Variants in UNC45B observed in about 807,000 individuals in gnomAD.
UNC45B encodes the protein unc-45 myosin chaperone B.
Under a neutral mutation model 98.7 loss-of-function variants are expected in UNC45B, and 78 were observed. The ratio of observed to expected loss-of-function variants is 0.79; its 90% confidence interval spans 0.66 to 0.95. The LOEUF (loss-of-function observed/expected upper bound fraction) is 0.95, where lower values mean the gene tolerates loss of function less well. UNC45B is among the 40% of genes least tolerant of loss of function. UNC45B has a pLI of 0.00. For missense variants in UNC45B, 1,225 were observed against 1,184.9 expected, an observed-to-expected ratio of 1.03 and a Z score of -0.50; for synonymous variants, 462 against 480.4, an observed-to-expected ratio of 0.96 and a Z score of 0.50.
rs2092045607 is a variant in UNC45B at position 35,154,687 on chromosome 17, G to T, written c.585G>T (p.Leu195=). 6.2e-7 allele frequency: 1 copy of T among 1,611,952 alleles called. No homozygotes were observed. Among genetic ancestry groups the T allele is most frequent in the Non-Finnish European group, 8.5e-7 (1 of 1,179,596 alleles). ...LQLLDTKKPE[L]VLAAVRTLSG... ...TTCTGGACACTAAGAAGCCTGAGCT[G>T]GTGCTGGCTGCAGTGCGGACCCTGT... The change falls in exon 6 of 20, where the codon CTG becomes CTT. Residue 195 remains leucine, a synonymous_variant. Coordinates refer to ENST00000394570, the MANE Select transcript of UNC45B (RefSeq NM_001267052.2).
rs752587517 is a variant in UNC45B, at chr17:35,150,168, G to A, written c.326G>A (p.Arg109Gln). The A allele has an allele frequency of 3.3e-5, 53 of 1,613,586 alleles. No individual in the cohort carries two copies. The highest frequency in any genetic ancestry group is 1.8e-4 in the Admixed American group (11 of 59,966). ...DVQRCATLEP[R>Q]NQNFQEMLRR... Reference sequence around the variant, plus strand: ...CAGCGTTGTGCCACCCTCGAGCCACGGAACCAGAACTTCCAGGAGATGCTG... The same window carrying A: ...CAGCGTTGTGCCACCCTCGAGCCACAGAACCAGAACTTCCAGGAGATGCTG... The change falls in exon 4 of 20, where the codon CGG (arginine) becomes CAG (glutamine). Residue 109 changes from arginine to glutamine, a missense_variant. By Grantham distance (43) the Arg-to-Gln change is conservative. Coordinates refer to ENST00000394570, the MANE Select transcript of UNC45B (RefSeq NM_001267052.2).
chr17:35,168,290 A>C lies in UNC45B; in HGVS notation c.1381A>C (p.Asn461His). 1.3e-6 allele frequency: 2 copies of C among 1,498,578 alleles called. No homozygotes were observed. Among genetic ancestry groups the C allele is most frequent in the Non-Finnish European group, 1.8e-6 (2 of 1,119,356 alleles). The allele number at this position is 1,498,578 out of a possible 1,614,324, so 92.8% of individuals were successfully genotyped here. ...KLSRATFIIT[N>H]GVSLLKQIYK... Reference sequence around the variant, plus strand: ...CAGCCGCGCCACCTTCATCATCACCAATGGAGTGTCACTGCTCAAACAGAT... The same window carrying C: ...CAGCCGCGCCACCTTCATCATCACCCATGGAGTGTCACTGCTCAAACAGAT... The change falls in exon 10 of 20, where the codon AAT becomes CAT. Residue 461 changes from asparagine (N) to histidine (H), a missense_variant. Physicochemically the swap from Asn to His is moderately conservative, Grantham distance 68. Coordinates refer to ENST00000394570, the MANE Select transcript of UNC45B (RefSeq NM_001267052.2).
intron 13 of UNC45B, among the ~76,000 whole-genome samples, chr17:35,173,548 C>T (rs1597926209): frequency 6.6e-6 from 1 of 152,134 alleles, no homozygotes; most frequent in South Asian, 2.1e-4. Flanking sequence ...CATTTTGTTG[C>T]CTTTTTCAGC....
At position 35,164,018 on chromosome 17, in the gene UNC45B, G is replaced by A; in HGVS notation, c.1003G>A (p.Val335Met). ...DNGLRKILKV[V>M]GQVPDLPSCL... is the part of the protein sequence containing the mutation. Reference sequence around the variant, plus strand: ...AGGTCTGAGGAAGATCCTGAAGGTTGTGGGGCAGGTTCCAGATCTGCCATC... The same window carrying A: ...AGGTCTGAGGAAGATCCTGAAGGTTATGGGGCAGGTTCCAGATCTGCCATC... The change falls in exon 9 of 20, where the codon GTG becomes ATG. Residue 335 changes from valine to methionine, a missense_variant. Transcript: ENST00000394570. The A allele has an allele frequency of 6.2e-7, 1 of 1,613,720 alleles. No individual in the cohort carries two copies. The highest frequency in any genetic ancestry group is 1.7e-4 in the Middle Eastern group (1 of 6,054).
chr17:35,155,120 A>G (rs2142536977), intron 6 of UNC45B, among the ~76,000 whole-genome samples, 176 bp from the exon 7 acceptor site: 1 of 152,370 alleles, frequency 6.6e-6, no homozygotes, highest in East Asian at 1.9e-4. Context: ...AGAGATGGGC[A>G]TGGCTTGTTG....
At chr17:35,151,254 G>A in intron 4 of UNC45B, 1 of 231,748 alleles carries the variant, frequency 4.3e-6, no homozygotes, top group Non-Finnish European at 8.7e-6. Flanking sequence ...ATCTGAGGTC[G>A]CGGGCCTCGA....
intron 1 of UNC45B, 137 bp downstream of exon 1, chr17:35,148,047 A>G: frequency 3.5e-6 from 2 of 569,270 alleles, no homozygotes; most frequent in Non-Finnish European, 3.1e-6. Flanking sequence ...AGAGTGAGGC[A>G]CAGGGACTCT....
At chr17:35,154,841 A>T in intron 6 of UNC45B, 100 bp downstream of exon 6, 1 of 1,317,710 alleles carries the variant, frequency 7.6e-7, no homozygotes, top group East Asian at 2.7e-5. Flanking sequence ...CAATGGAACC[A>T]GATAAAAAGT....
Position 35,158,397 on chromosome 17 carries a change from T to C in UNC45B, c.809-978T>C, listed in dbSNP as rs951928245. Among the ~76,000 whole-genome samples the C allele has an allele frequency of 3.9e-5, 6 of 152,168 alleles. No homozygotes were observed. The East Asian group carries it at 1.2e-3, about 29-fold the overall frequency. On this transcript the variant is annotated intron_variant, in intron 7 of 19. Coordinates refer to ENST00000394570, the MANE Select transcript of UNC45B (RefSeq NM_001267052.2). ...TAGAACATGGTGGCTGGATTCTAAA[T>C]GGACAAGCCCCAATGTGCAAGTGCC... is the stretch of plus-strand genomic sequence containing the variant.
rs1207259400 is a variant in UNC45B, at chr17:35,183,501, T to C, written c.2448T>C (p.Asp816=). 1 of 1,605,874 alleles carries C rather than the reference T, an allele frequency of 6.2e-7. No homozygotes were observed. Among genetic ancestry groups the C allele is most frequent in the Non-Finnish European group, 8.5e-7 (1 of 1,175,752 alleles). ...LVVLLCGEDD[D]KVQNAAAGAL... ...TGCTGCTCTGCGGGGAGGATGATGA[T>C]AAGGTGCAGAATGCGGCTGCAGGGG... is the stretch of plus-strand genomic sequence containing the variant. Residue 816 remains aspartate, a synonymous_variant, in exon 19 of 20, where the codon GAT becomes GAC. Coordinates refer to ENST00000394570, the MANE Select transcript of UNC45B (RefSeq NM_001267052.2).
At chr17:35,172,940 G>C (rs939723037) in intron 13 of UNC45B, among the ~76,000 whole-genome samples, 3 of 152,140 alleles carry the variant, frequency 2.0e-5, no homozygotes, top group East Asian at 3.8e-4. Flanking sequence ...AGCTCCTCAG[G>C]CTCTGTCTTG....
In UNC45B at chr17:35,155,448, G is replaced by A; in HGVS notation, c.792G>A (p.Glu264=). Residue 264 remains glutamate, a synonymous_variant, in exon 7 of 20, where the codon GAG becomes GAA. Transcript: ENST00000394570. ...ACAAGCGGGAGCATCGAGGGAAGGA[G>A]GAGGCCCTGGTTCTAGGTAGGAAAC... ...GEDKREHRGK[E]EALVLDTKKD... 6.2e-7 allele frequency: 1 copy of A among 1,614,158 alleles called. No homozygotes were observed. The highest frequency in any genetic ancestry group is 8.5e-7 in the Non-Finnish European group (1 of 1,180,012).
intron 9 of UNC45B, among the ~76,000 whole-genome samples, chr17:35,166,262 C>T (rs1465603629): frequency 2.7e-5 from 4 of 146,218 alleles, no homozygotes; most frequent in African/African-American, 7.5e-5. Context: ...CGTGAGACCC[C>T]GTCTCAAATA....
chr17:35,186,519 T>C lies in UNC45B; in HGVS notation c.2750T>C (p.Ile917Thr). Reference sequence around the variant, plus strand: ...GTTCAGACAGCCCGAGAATGTCTCATCAAGTGCATGGATTATGGTTTCATT... The same window carrying C: ...GTTCAGACAGCCCGAGAATGTCTCACCAAGTGCATGGATTATGGTTTCATT... The part of the protein sequence containing the change: ...EVVQTARECL[I>T]KCMDYGFIKP... Residue 917 changes from isoleucine (I) to threonine (T), a missense_variant, in exon 20 of 20, where the codon ATC (isoleucine) becomes ACC (threonine). Ile to Thr is a moderately conservative substitution (Grantham distance 89). Coordinates refer to ENST00000394570, the MANE Select transcript of UNC45B (RefSeq NM_001267052.2). 6.2e-7 allele frequency: 1 copy of C among 1,614,196 alleles called. No individual in the cohort carries two copies. The highest frequency in any genetic ancestry group is 8.5e-7 in the Non-Finnish European group (1 of 1,180,034).
chr17:35,173,613 C>T (rs1201543675), intron 13 of UNC45B, among the ~76,000 whole-genome samples: 3 of 152,088 alleles, frequency 2.0e-5, no homozygotes, highest in Admixed American at 6.6e-5. Flanking sequence ...TCTGACCTCA[C>T]TTCCATTCCA....
intron 7 of UNC45B, among the ~76,000 whole-genome samples, chr17:35,157,983 C>T (rs1750818978): frequency 6.6e-6 from 1 of 152,172 alleles, no homozygotes; most frequent in South Asian, 2.1e-4. Flanking sequence ...GGGCTCAATC[C>T]TTCCACCTCA....
rs1242452825 is a variant in UNC45B at position 35,164,173 on chromosome 17, T to C, written c.1151+7T>C. The C allele has an allele frequency of 6.2e-7, 1 of 1,602,908 alleles. No individual in the cohort carries two copies. Among genetic ancestry groups the C allele is most frequent in the African/African-American group, 1.3e-5 (1 of 74,404 alleles). ...TCTGTGAGGAATATATCACGTAAGT[T>C]TCCTGGAGGCCTCACAGGGTCAGGC... On this transcript the variant is annotated splice_region_variant and intron_variant, in intron 9 of 19. Coordinates refer to ENST00000394570, the MANE Select transcript of UNC45B (RefSeq NM_001267052.2).
intron 14 of UNC45B, 59 bp downstream of exon 14, chr17:35,174,428 G>A (rs1237246045): frequency 1.9e-6 from 3 of 1,606,812 alleles, no homozygotes; most frequent in Admixed American, 3.4e-5. Flanking sequence ...GTCCTGGAGT[G>A]CAGCACACTG....
chr17:35,172,073 C>T (rs571043757), intron 13 of UNC45B, among the ~76,000 whole-genome samples: 17 of 152,208 alleles, frequency 1.1e-4, no homozygotes, highest in Non-Finnish European at 1.3e-4. Context: ...CTCATGATTA[C>T]GTCATCTCCA....
Sources: allele counts gnomAD v4.1 joint callset (sites outside exome capture counted in the v4.1 genomes callset), GRCh38; gene constraint gnomAD v4.1.1; transcripts MANE v1.5; gene names NCBI Gene and HGNC (gene_info 2026-07-23, HGNC 2026-07-21).